The following KCNK13 variants were observed in gnomAD, a reference collection of about 807,000 sequenced individuals.
KCNK13 encodes potassium channel subfamily K member 13.
Under a neutral mutation model 23.4 loss-of-function variants are expected in KCNK13, and 12 were observed. The observed-to-expected ratio is 0.51, with a 90% CI of 0.33 to 0.83. KCNK13 has a LOEUF of 0.83. Among genes scored for constraint, KCNK13 ranks in the 40% least tolerant of loss-of-function variants. The pLI, the probability that KCNK13 is intolerant of heterozygous loss-of-function variation, is 0.02. For missense variants in KCNK13, 463 were observed against 556.3 expected (o/e 0.83, Z 1.69); for synonymous variants, 231 against 229.5 (o/e 1.01, Z -0.06).
chr14:90,153,026 G>C (rs1237096321), intron 1 of KCNK13, among the ~76,000 whole-genome samples: 1 of 152,076 alleles, frequency 6.6e-6, no homozygotes, highest in African/African-American at 2.4e-5. Flanking sequence ...ACACTTGCCT[G>C]AGCACACCAT....
chr14:90,117,756 A>G (rs1269431001), intron 1 of KCNK13, among the ~76,000 whole-genome samples: 3 of 152,162 alleles, frequency 2.0e-5, no homozygotes, highest in Non-Finnish European at 4.4e-5. Context: ...TTGTGCACCC[A>G]TTACCTCTAT....
rs145942992 is a variant in KCNK13, at chr14:90,102,972, A to G, written c.334+40433A>G. Among the ~76,000 whole-genome samples, 419 of 152,204 alleles carry G rather than the reference A, an allele frequency of 2.8e-3. 3 individuals carry two copies. Among genetic ancestry groups the G allele is most frequent in the African/African-American group, 9.7e-3 (401 of 41,520 alleles). ...GTAGTCTGCAGTATCTGTTATTCCC[A>G]TGTTTATGTCTGTGGACGCTCAATG... On this transcript the variant is annotated intron_variant, in intron 1 of 1. Transcript: ENST00000282146.
chr14:90,100,573 A>C (rs1310210253), intron 1 of KCNK13, among the ~76,000 whole-genome samples: 1 of 152,232 alleles, frequency 6.6e-6, no homozygotes, highest in East Asian at 1.9e-4. Flanking sequence ...CAGTAATTTC[A>C]TCAGATTAGT....
intron 1 of KCNK13, among the ~76,000 whole-genome samples, chr14:90,104,209 C>T (rs1889515817): frequency 6.6e-6 from 1 of 152,170 alleles, no homozygotes; most frequent in Non-Finnish European, 1.5e-5. Flanking sequence ...TCCTCAAGGA[C>T]ACCTTGGAAT....
chr14:90,117,234 G>A (rs943346308), intron 1 of KCNK13, among the ~76,000 whole-genome samples: 3 of 152,172 alleles, frequency 2.0e-5, no homozygotes, highest in African/African-American at 7.2e-5. Context: ...CATGTCTGAA[G>A]TGAGACAGAG....
At chr14:90,124,582 C>T (rs1387043721) in intron 1 of KCNK13, among the ~76,000 whole-genome samples, 3 of 152,214 alleles carry the variant, frequency 2.0e-5, no homozygotes, top group African/African-American at 7.2e-5. Context: ...AGCTGATAGC[C>T]CACAAGGAAA....
chr14:90,079,881 C>G (rs79532143), intron 1 of KCNK13, among the ~76,000 whole-genome samples: 2,333 of 152,264 alleles, frequency 0.015, 67 homozygotes, highest in African/African-American at 0.053. Flanking sequence ...CAAGGTCACA[C>G]GTCCACCTCT....
chr14:90,094,661 T>C (rs1414290448), intron 1 of KCNK13, among the ~76,000 whole-genome samples: 1 of 146,576 alleles, frequency 6.8e-6, no homozygotes, highest in Non-Finnish European at 1.5e-5. Context: ...TTTTTTTTTT[T>C]TTTTTTGAGA....
Position 90,129,423 on chromosome 14 carries a change from C to T in KCNK13, c.335-54688C>T, listed in dbSNP as rs373587905. Among the ~76,000 whole-genome samples, 221 of 152,212 alleles carry T rather than the reference C, an allele frequency of 1.5e-3. 3 individuals carry two copies. Among genetic ancestry groups the T allele is most frequent in the Admixed American group, 7.1e-3 (108 of 15,298 alleles). ...TGCTCGGGAAGAACACATATGGCTG[C>T]GCCCCATCCCCAGTACTTCTGATTC... On this transcript the variant is annotated intron_variant, in intron 1 of 1. Coordinates refer to ENST00000282146, the MANE Select transcript of KCNK13 (RefSeq NM_022054.4).
At position 90,158,714 on chromosome 14, in the gene KCNK13, T is replaced by C. The variant is rs1379478055; in HGVS notation, c.335-25397T>C. 3.3e-5 allele frequency among the ~76,000 whole-genome samples: 5 copies of C among 152,206 alleles called. No homozygotes were observed. In the East Asian group the frequency reaches 9.6e-4, roughly 29 times the overall value. ...CTTCCTGCCTGCCTGCCTTCCTTCT[T>C]TCCAAATATTTGACAAACATTGTCC... On this transcript the variant is annotated intron_variant, in intron 1 of 1. Coordinates refer to ENST00000282146, the MANE Select transcript of KCNK13 (RefSeq NM_022054.4).
intron 1 of KCNK13, among the ~76,000 whole-genome samples, chr14:90,165,876 A>G (rs80174873): frequency 0.017 from 2,644 of 152,290 alleles, 70 homozygotes; most frequent in African/African-American, 0.061. Flanking sequence ...AATGCCCCCA[A>G]GATGCAGTGA....
chr14:90,138,941 G>A (rs1596794749), intron 1 of KCNK13, among the ~76,000 whole-genome samples: 1 of 152,136 alleles, frequency 6.6e-6, no homozygotes, highest in African/African-American at 2.4e-5. Context: ...AAAACACATC[G>A]AGGCAGGCAG....
At chr14:90,132,066 G>C (rs1311125307) in intron 1 of KCNK13, among the ~76,000 whole-genome samples, 1 of 152,174 alleles carries the variant, frequency 6.6e-6, no homozygotes, top group Non-Finnish European at 1.5e-5. Flanking sequence ...AACAAAATGT[G>C]GTCTATACAT....
chr14:90,162,230 G>A (rs781735843), intron 1 of KCNK13, among the ~76,000 whole-genome samples: 2 of 152,046 alleles, frequency 1.3e-5, no homozygotes, highest in Non-Finnish European at 2.9e-5. Context: ...TACATTTTTG[G>A]TACCAGCCCC....
chr14:90,128,338 A>T (rs1005005828), intron 1 of KCNK13, among the ~76,000 whole-genome samples: 1 of 152,196 alleles, frequency 6.6e-6, no homozygotes, highest in African/African-American at 2.4e-5. Flanking sequence ...CAAACAAAAC[A>T]AAATTTTTAA....
At chr14:90,080,494 AG>A (rs1889195028) in intron 1 of KCNK13, among the ~76,000 whole-genome samples, 1 of 152,104 alleles carries the variant, frequency 6.6e-6, no homozygotes, top group Non-Finnish European at 1.5e-5. Context: ...TTGGAAAAAA[AG>A]AAGTATGACG....
At chr14:90,079,193 G>A (rs1247084055) in intron 1 of KCNK13, among the ~76,000 whole-genome samples, 4 of 152,256 alleles carry the variant, frequency 2.6e-5, no homozygotes, top group East Asian at 1.9e-4. Context: ...AAGGGAGAGC[G>A]AGGGGGTGTC....
chr14:90,155,921 A>C (rs1596802758), intron 1 of KCNK13, among the ~76,000 whole-genome samples: 2 of 152,196 alleles, frequency 1.3e-5, no homozygotes, highest in Non-Finnish European at 1.5e-5. Flanking sequence ...TCTGGAAGAC[A>C]GGCCAGGTGT....
Position 90,184,761 on chromosome 14 carries a change from A to G in KCNK13, c.985A>G (p.Thr329Ala). Residue 329 changes from threonine to alanine, a missense_variant, in exon 2 of 2, where the codon ACA (threonine) becomes GCA (alanine). Transcript: ENST00000282146. The surrounding 1 kb of genome is among the most constrained non-coding windows in gnomAD (Gnocchi z 5.6). Reference protein sequence around the residue: ...VRNRCNISIETDGVAESDTDG... With the variant: ...VRNRCNISIEADGVAESDTDG... ...GAACCGCTGCAACATCTCCATAGAG[A>G]CAGACGGGGTGGCAGAGAGTGACAC... 6.2e-7 allele frequency: 1 copy of G among 1,613,816 alleles called. No homozygotes were observed. The highest frequency in any genetic ancestry group is 8.5e-7 in the Non-Finnish European group (1 of 1,179,734).
Sources: gnomAD v4.1 joint callset for allele counts (sites outside exome capture counted in the v4.1 genomes callset) on GRCh38, gnomAD v4.1.1 for gene constraint, Gnocchi (gnomAD v3.1) non-coding constraint, MANE v1.5 for transcripts, NCBI Gene and HGNC (gene_info 2026-07-23, HGNC 2026-07-21) for gene names.